SATB1: variants seen among roughly 807,000 people sequenced by gnomAD.
SATB1 encodes the protein DNA-binding protein SATB1.
In SATB1, 11 loss-of-function variants were observed where a neutral mutation model predicts 86.9. The ratio of observed to expected loss-of-function variants is 0.13; its 90% CI spans 0.08 to 0.21. The LOEUF (loss-of-function observed/expected upper bound fraction) is 0.21, where lower values mean the gene tolerates loss of function less well. Among genes scored for constraint, SATB1 ranks in the 10% least tolerant of loss-of-function variants. The pLI is 1.00. For missense variants in SATB1, 551 were observed against 937.6 expected (o/e 0.59, Z 5.39); for synonymous variants, 357 against 357.2 (o/e 1.00, Z 0.01).
chr3:18,359,721 T>C (rs1021771879), intron 9 of SATB1, among the ~76,000 whole-genome samples: 3 of 151,988 alleles, frequency 2.0e-5, no homozygotes, highest in African/African-American at 7.2e-5. Flanking sequence ...TTCAGTGATA[T>C]GATCTGGCTC....
rs934215109 is a variant in SATB1, at chr3:18,352,910, T to C, written c.1576-715A>G. ...GAAATGTCCAATGACTGCCAAAATC[T>C]GCACCTCTCTGATGTTTCCAAGGCC... is the stretch of plus-strand genomic sequence containing the variant. On this transcript the variant is annotated intron_variant, in intron 9 of 10. Coordinates refer to ENST00000338745, the MANE Select transcript of SATB1 (RefSeq NM_002971.6). This position sits in a 1 kb window ranked among gnomAD's most constrained non-coding sequence, Gnocchi z 4.1. 1 of 143,844 alleles carries C rather than the reference T, an allele frequency of 7.0e-6. No homozygotes were observed. Among genetic ancestry groups the C allele is most frequent in the African/African-American group, 2.6e-5 (1 of 38,088 alleles). The allele number at this position is 143,844 out of a possible 1,614,324, so 8.9% of individuals were successfully genotyped here.
At chr3:18,408,399 A>T (rs980483878) in intron 5 of SATB1, among the ~76,000 whole-genome samples, 5 of 152,014 alleles carry the variant, frequency 3.3e-5, no homozygotes, top group Non-Finnish European at 5.9e-5. Context: ...TACAATCATT[A>T]TGAGTTAAAA....
upstream of SATB1, among the ~76,000 whole-genome samples, chr3:18,439,619 G>A (rs533809418): frequency 1.3e-5 from 2 of 152,194 alleles, no homozygotes; most frequent in Admixed American, 6.5e-5. Flanking sequence ...GTGTAGTGAA[G>A]GAGAACCTTA....
chr3:18,374,037 G>A (rs1695607619), intron 9 of SATB1, among the ~76,000 whole-genome samples: 1 of 152,160 alleles, frequency 6.6e-6, no homozygotes, highest in Admixed American at 6.5e-5. Flanking sequence ...AAGCACAAGT[G>A]ATGATGCAGT....
At chr3:18,389,943 G>A (rs571214964) in intron 7 of SATB1, among the ~76,000 whole-genome samples, 11 of 152,148 alleles carry the variant, frequency 7.2e-5, no homozygotes, top group African/African-American at 2.6e-4. Flanking sequence ...AAATTGTTTT[G>A]CATTGTCATT....
intron 9 of SATB1, among the ~76,000 whole-genome samples, chr3:18,356,087 T>C (rs887570521): frequency 1.3e-5 from 2 of 151,894 alleles, no homozygotes; most frequent in African/African-American, 4.8e-5. Context: ...GCTCCCCCTA[T>C]TACTTAAAAA....
intron 10 of SATB1, chr3:18,350,926 G>A (rs1694327187): frequency 3.6e-6 from 1 of 278,442 alleles, no homozygotes; most frequent in Admixed American, 5.0e-5. Context: ...ACTCAACAGA[G>A]GTAGAATTTT....
chr3:18,414,682 T>C (rs1421671451), intron 5 of SATB1, among the ~76,000 whole-genome samples: 1 of 152,116 alleles, frequency 6.6e-6, no homozygotes, highest in Non-Finnish European at 1.5e-5. Context: ...AGAATTGTAC[T>C]GTTATTTTAC....
intron 5 of SATB1, among the ~76,000 whole-genome samples, chr3:18,402,462 T>C (rs185747926): frequency 3.0e-4 from 45 of 152,174 alleles, no homozygotes; most frequent in African/African-American, 1.0e-3. Flanking sequence ...TTGCTCAGCT[T>C]CCAGTCAAAA....
At chr3:18,403,558 T>A (rs78988372) in intron 5 of SATB1, among the ~76,000 whole-genome samples, 2,103 of 152,228 alleles carry the variant, frequency 0.014, 50 homozygotes, top group African/African-American at 0.048. Context: ...ATGTCTGTGC[T>A]TTAAATGAAA....
upstream of SATB1, among the ~76,000 whole-genome samples, chr3:18,426,256 G>T (rs999113430): frequency 6.6e-6 from 1 of 152,240 alleles, no homozygotes; most frequent in African/African-American, 2.4e-5. This position sits in a 1 kb window ranked among gnomAD's most constrained non-coding sequence, Gnocchi z 4.2. Context: ...TTCTGTACTA[G>T]TCAGACGTTG....
At chr3:18,376,695 G>A (rs1364714081) in intron 9 of SATB1, among the ~76,000 whole-genome samples, 1 of 152,022 alleles carries the variant, frequency 6.6e-6, no homozygotes, top group East Asian at 1.9e-4. Flanking sequence ...ATCATAATTA[G>A]AAACATTTCA....
chr3:18,351,787 A>T (rs1241278954), intron 10 of SATB1: 2 of 575,854 alleles, frequency 3.5e-6, no homozygotes, highest in Admixed American at 6.1e-5. Flanking sequence ...TGGCTGGGAG[A>T]TGAGGAAAGA....
chr3:18,414,158 A>G (rs1698002991), intron 5 of SATB1, among the ~76,000 whole-genome samples: 1 of 152,138 alleles, frequency 6.6e-6, no homozygotes, highest in Non-Finnish European at 1.5e-5. Context: ...AACATTAAAA[A>G]TCTGGTAAAA....
chr3:18,414,062 C>T (rs1697998059), intron 5 of SATB1, among the ~76,000 whole-genome samples: 2 of 152,100 alleles, frequency 1.3e-5, no homozygotes, highest in Non-Finnish European at 2.9e-5. Context: ...GATCTCTCCA[C>T]TGCAGAAATG....
intron 9 of SATB1, among the ~76,000 whole-genome samples, chr3:18,356,068 A>G (rs1477195678): frequency 6.6e-6 from 1 of 151,974 alleles, no homozygotes; most frequent in African/African-American, 2.4e-5. Context: ...TGTTGCAATC[A>G]ATCACAGTGC....
rs1694423301 is a variant in SATB1, at chr3:18,352,583, CAGA to C, written c.1576-391_1576-389del. 3.8e-5 allele frequency: 7 copies of C among 184,800 alleles called. No individual in the cohort carries two copies. The South Asian group carries it at 5.9e-4, about 16-fold the overall frequency. The allele number at this position is 184,800 out of a possible 1,614,324, so 11.4% of individuals were successfully genotyped here. ...ATACGGAAGTGCCTAAGAGGCAGGACAGATTTTAGAAATAATTTTTTTCTAAAA... is the reference window on the plus strand; with the variant it reads ...ATACGGAAGTGCCTAAGAGGCAGGACTTTTAGAAATAATTTTTTTCTAAAA... On this transcript the variant is annotated intron_variant, in intron 9 of 10. Coordinates refer to ENST00000338745, the MANE Select transcript of SATB1 (RefSeq NM_002971.6). The surrounding 1 kb of genome is among the most constrained non-coding windows in gnomAD (Gnocchi z 4.1).
At chr3:18,397,070 T>C (rs1287791004) in intron 6 of SATB1, 109 bp downstream of exon 6, 1 of 688,864 alleles carries the variant, frequency 1.5e-6, no homozygotes, top group Non-Finnish European at 2.7e-6. Flanking sequence ...CATTCTAAAT[T>C]GATCTCTAAT....
chr3:18,441,728 G>A (rs1286502354), upstream of SATB1, among the ~76,000 whole-genome samples: 2 of 152,078 alleles, frequency 1.3e-5, no homozygotes, highest in African/African-American at 4.8e-5. Flanking sequence ...TGAGGAACAG[G>A]TGCCTGTCAC....
Sources: allele counts gnomAD v4.1 joint callset (sites outside exome capture counted in the v4.1 genomes callset), GRCh38; gene constraint gnomAD v4.1.1; non-coding constraint Gnocchi (gnomAD v3.1); transcripts MANE v1.5; gene names NCBI Gene and HGNC (gene_info 2026-07-23, HGNC 2026-07-21).